Variants in COL5A2 observed in about 807,000 individuals in gnomAD.
COL5A2 encodes the protein collagen type V alpha 2 chain.
A neutral mutation model predicts 208.2 loss-of-function variants in COL5A2; 23 were observed. That is an observed-to-expected ratio of 0.11 (90% CI 0.08 to 0.16). The LOEUF is 0.16. Ranked by LOEUF, COL5A2 falls within the 10% of genes least tolerant of loss-of-function variation. COL5A2 has a pLI of 1.00. For synonymous variants in COL5A2, 625 were observed against 628.5 expected (o/e 0.99, Z 0.08); for missense variants, 1,590 against 1,956.4 (o/e 0.81, Z 3.53).
At chr2:189,313,972 T>C in the COL5A2 span, among the ~76,000 whole-genome samples, 3 of 152,156 alleles carry the variant, frequency 2.0e-5, no homozygotes, top group South Asian at 6.2e-4. Flanking sequence ...CAGAGAGACT[T>C]AGACTCCCAC....
the COL5A2 span, among the ~76,000 whole-genome samples, chr2:189,280,391 C>T: frequency 6.6e-6 from 1 of 152,144 alleles, no homozygotes; most frequent in African/African-American, 2.4e-5. Context: ...GTCAAGCTCA[C>T]TCTTGTAGGT....
At chr2:189,245,695 C>T in the COL5A2 span, among the ~76,000 whole-genome samples, 3 of 152,068 alleles carry the variant, frequency 2.0e-5, no homozygotes, top group Non-Finnish European at 2.9e-5. Flanking sequence ...ACTGTGGTCT[C>T]GATCTCCTGA....
chr2:189,179,459 T>C, intron 1 of COL5A2, 49 bp downstream of exon 1: 1 of 1,583,440 alleles, frequency 6.3e-7, no homozygotes, highest in Non-Finnish European at 8.6e-7. Flanking sequence ...TCCACCTATT[T>C]CCCAAACCGT....
the COL5A2 span, among the ~76,000 whole-genome samples, chr2:189,270,739 G>T: frequency 5.3e-5 from 8 of 152,144 alleles, no homozygotes; most frequent in Non-Finnish European, 7.4e-5. Context: ...CAGATGACAT[G>T]ATTGTATATT....
the COL5A2 span, among the ~76,000 whole-genome samples, chr2:189,279,579 A>C: frequency 1.3e-5 from 2 of 151,672 alleles, no homozygotes; most frequent in Non-Finnish European, 2.9e-5. Flanking sequence ...CAGACCAGAT[A>C]TCAAACCTAA....
chr2:189,343,561 G>C, the COL5A2 span, among the ~76,000 whole-genome samples: 286 of 152,108 alleles, frequency 1.9e-3, 1 homozygote, highest in African/African-American at 6.7e-3. Flanking sequence ...TCACCTACAA[G>C]CATTTATCCT....
chr2:189,408,069 G>A, the COL5A2 span, among the ~76,000 whole-genome samples: 1 of 152,048 alleles, frequency 6.6e-6, no homozygotes, highest in Non-Finnish European at 1.5e-5. Context: ...GGCCATCCTT[G>A]ACCTAGATTT....
the COL5A2 span, among the ~76,000 whole-genome samples, chr2:189,403,887 C>G: frequency 8.4e-3 from 1,284 of 152,252 alleles, 18 homozygotes; most frequent in African/African-American, 0.029. Context: ...CACGTGCCAC[C>G]ATGCCCAGTT....
At chr2:189,356,814 A>G in the COL5A2 span, among the ~76,000 whole-genome samples, 2 of 152,260 alleles carry the variant, frequency 1.3e-5, no homozygotes, top group Admixed American at 1.3e-4. Flanking sequence ...GAGAAGAGGC[A>G]TTCTGGTTTT....
At chr2:189,274,395 T>C in the COL5A2 span, among the ~76,000 whole-genome samples, 3 of 152,170 alleles carry the variant, frequency 2.0e-5, no homozygotes, top group Admixed American at 6.6e-5. Context: ...ATTTCACTTA[T>C]AGTTCTCTGT....
intron 1 of COL5A2, among the ~76,000 whole-genome samples, chr2:189,161,551 G>A (rs1199394197): frequency 1.3e-5 from 2 of 152,140 alleles, no homozygotes; most frequent in Non-Finnish European, 2.9e-5. Context: ...TAAGCTCAAT[G>A]CTATGTATAT....
At chr2:189,416,874 T>C in the COL5A2 span, among the ~76,000 whole-genome samples, 4 of 152,124 alleles carry the variant, frequency 2.6e-5, no homozygotes, top group Admixed American at 6.5e-5. Context: ...TTTTATTGGG[T>C]TGTTTAGGGG....
Position 189,071,196 on chromosome 2 carries a change from A to C in COL5A2, c.1158+844T>G, listed in dbSNP as rs115174482. Among the ~76,000 whole-genome samples, 440 of 152,314 alleles carry C rather than the reference A, an allele frequency of 2.9e-3. 3 individuals are homozygous for C. The highest frequency in any genetic ancestry group is 4.9e-3 in the Non-Finnish European group (330 of 68,022). Reference sequence around the variant, plus strand: ...ACATAATCCTCAACAAAATTCCATGAGAAAACAAAGTTTAGAGGGGCCAGG... The same window carrying C: ...ACATAATCCTCAACAAAATTCCATGCGAAAACAAAGTTTAGAGGGGCCAGG... On this transcript the variant is annotated intron_variant, in intron 18 of 53. Transcript: ENST00000374866.
intron 29 of COL5A2, 36 bp downstream of exon 29, chr2:189,062,829 T>C (rs1686063177): frequency 6.2e-7 from 1 of 1,612,508 alleles, no homozygotes. Context: ...TGTGTATATA[T>C]ATATTCTCAC....
chr2:189,145,984 G>A (rs1477459585), intron 1 of COL5A2, among the ~76,000 whole-genome samples: 3 of 152,038 alleles, frequency 2.0e-5, no homozygotes, highest in Non-Finnish European at 4.4e-5. Flanking sequence ...GAATTACATT[G>A]AAGGCAAGGA....
At chr2:189,202,861 C>A (rs745404888) in intron 1 of COL5A2, among the ~76,000 whole-genome samples, 9 of 152,242 alleles carry the variant, frequency 5.9e-5, no homozygotes, top group Middle Eastern at 3.4e-3. Flanking sequence ...ACCTATTAAA[C>A]TTTCTAATCT....
At chr2:189,209,925 G>C (rs1395660364) in intron 1 of COL5A2, among the ~76,000 whole-genome samples, 1 of 152,158 alleles carries the variant, frequency 6.6e-6, no homozygotes, top group East Asian at 1.9e-4. Flanking sequence ...TGGAGATAAA[G>C]ATTTCAGAGC....
the COL5A2 span, among the ~76,000 whole-genome samples, chr2:189,301,099 T>A: frequency 6.6e-6 from 1 of 151,900 alleles, no homozygotes; most frequent in Non-Finnish European, 1.5e-5. Flanking sequence ...TGGTGGGGGA[T>A]TGCTTTGAAC....
chr2:189,419,591 G>A, the COL5A2 span, among the ~76,000 whole-genome samples: 2 of 151,988 alleles, frequency 1.3e-5, no homozygotes, highest in African/African-American at 4.8e-5. Context: ...AGGCATTCAA[G>A]ATCAGCCTGG....
Sources: gnomAD v4.1 joint callset for allele counts (sites outside exome capture counted in the v4.1 genomes callset) on GRCh38, gnomAD v4.1.1 for gene constraint, MANE v1.5 for transcripts, NCBI Gene and HGNC (gene_info 2026-07-23, HGNC 2026-07-21) for gene names.